KCNMA1: variants seen among roughly 807,000 people sequenced by gnomAD.
KCNMA1 encodes the protein Calcium-activated potassium channel subunit alpha-1.
Under a neutral mutation model 140.0 loss-of-function variants are expected in KCNMA1, and 29 were observed. That is an observed-to-expected ratio of 0.21 (90% CI 0.15 to 0.28). The LOEUF (loss-of-function observed/expected upper bound fraction) is 0.28. Among genes scored for constraint, KCNMA1 ranks in the 10% least tolerant of loss-of-function variants. The pLI is 1.00. For synonymous variants in KCNMA1, 612 were observed against 611.9 expected, an observed-to-expected ratio of 1.00 and a Z score of 0.00; for missense variants, 880 against 1,602.2, an observed-to-expected ratio of 0.55 and a Z score of 7.70.
chr10:77,110,821 T>A (rs1455013103), intron 7 of KCNMA1, among the ~76,000 whole-genome samples: 1 of 152,212 alleles, frequency 6.6e-6, no homozygotes, highest in Admixed American at 6.5e-5. Context: ...TTCCATCAGT[T>A]TATCCAAAGA....
At chr10:77,109,341 G>T (rs1008934995) in intron 8 of KCNMA1, among the ~76,000 whole-genome samples, 1 of 152,044 alleles carries the variant, frequency 6.6e-6, no homozygotes, top group Admixed American at 6.5e-5. Context: ...ATAAATGTGC[G>T]CACGGTGTAC....
chr10:77,103,699 C>T (rs1355129848), intron 9 of KCNMA1, among the ~76,000 whole-genome samples: 1 of 152,166 alleles, frequency 6.6e-6, no homozygotes, highest in Non-Finnish European at 1.5e-5. Flanking sequence ...CCTTTCATTG[C>T]TAGAAGTGTT....
At chr10:77,064,222 G>A in intron 14 of KCNMA1, 1 of 484,530 alleles carries the variant, frequency 2.1e-6, no homozygotes, top group Non-Finnish European at 2.7e-6. Context: ...TTAATGCTAG[G>A]CAGACAGTTT....
chr10:77,045,958 C>A (rs541523488), intron 14 of KCNMA1, among the ~76,000 whole-genome samples: 24 of 152,238 alleles, frequency 1.6e-4, no homozygotes, highest in Non-Finnish European at 2.9e-4. Flanking sequence ...CAGGCAAATT[C>A]TTTTAATCCA....
intron 5 of KCNMA1, among the ~76,000 whole-genome samples, chr10:77,144,495 T>C (rs747549531): frequency 2.6e-5 from 4 of 152,198 alleles, no homozygotes; most frequent in Non-Finnish European, 4.4e-5. Context: ...TCTATGTTGA[T>C]ATGGATGACA....
intron 25 of KCNMA1, 98 bp from the exon 26 acceptor site, chr10:76,891,817 G>A (rs542585908): frequency 3.1e-6 from 3 of 974,154 alleles, no homozygotes; most frequent in Non-Finnish European, 4.8e-6. Flanking sequence ...GGTATCTCCT[G>A]TTTAAAGTTC....
intron 2 of KCNMA1, among the ~76,000 whole-genome samples, chr10:77,403,163 C>A (rs763419039): frequency 1.3e-5 from 2 of 152,090 alleles, no homozygotes; most frequent in Non-Finnish European, 2.9e-5. Context: ...ATGAGGCCAG[C>A]CAGTGAAGCC....
chr10:77,582,888 C>G (rs1387248074), intron 1 of KCNMA1, among the ~76,000 whole-genome samples: 1 of 152,262 alleles, frequency 6.6e-6, no homozygotes, highest in Admixed American at 6.5e-5. Flanking sequence ...AAGCCACCAG[C>G]CAGGGAGGGC....
intron 14 of KCNMA1, among the ~76,000 whole-genome samples, chr10:77,045,571 G>A (rs1171669065): frequency 4.6e-5 from 7 of 152,266 alleles, no homozygotes; most frequent in South Asian, 2.1e-4. Context: ...ACCAATCCAC[G>A]GGCAGACAGC....
At chr10:77,070,187 T>G (rs1215494400) in intron 14 of KCNMA1, among the ~76,000 whole-genome samples, 1 of 152,076 alleles carries the variant, frequency 6.6e-6, no homozygotes, top group Non-Finnish European at 1.5e-5. Flanking sequence ...TCATGCATGA[T>G]AAAATGCCCA....
At chr10:77,370,198 G>A (rs975379543) in intron 2 of KCNMA1, among the ~76,000 whole-genome samples, 2 of 152,170 alleles carry the variant, frequency 1.3e-5, no homozygotes, top group African/African-American at 4.8e-5. Context: ...AACCCCAGCA[G>A]GCTAAAAATA....
At chr10:77,337,909 T>C (rs1424698376) in intron 2 of KCNMA1, among the ~76,000 whole-genome samples, 1 of 152,166 alleles carries the variant, frequency 6.6e-6, no homozygotes, top group Non-Finnish European at 1.5e-5. Context: ...TGGAAGGACA[T>C]GTTAAAATGA....
intron 2 of KCNMA1, among the ~76,000 whole-genome samples, chr10:77,295,651 G>T (rs1467822497): frequency 6.7e-6 from 1 of 149,798 alleles, no homozygotes; most frequent in African/African-American, 2.5e-5. Context: ...CGCGGTGGCG[G>T]GCGCCTGTAG....
At chr10:77,522,239 A>G (rs1259306320) in intron 1 of KCNMA1, among the ~76,000 whole-genome samples, 1 of 151,366 alleles carries the variant, frequency 6.6e-6, no homozygotes, top group South Asian at 2.1e-4. Flanking sequence ...CATTCCCATG[A>G]GCCATGAGCC....
At chr10:77,376,948 A>AATAC (rs66548732) in intron 2 of KCNMA1, among the ~76,000 whole-genome samples, 3,817 of 148,402 alleles carry the variant, frequency 0.026, 106 homozygotes, top group African/African-American at 0.066. Flanking sequence ...AAAATAAATA[A>AATAC]ATACATACAT....
chr10:77,249,262 A>T (rs1202779167), intron 3 of KCNMA1, among the ~76,000 whole-genome samples: 2 of 152,216 alleles, frequency 1.3e-5, no homozygotes, highest in African/African-American at 2.4e-5. Flanking sequence ...GCCTAGAAGG[A>T]TCACAATTAA....
intron 19 of KCNMA1, among the ~76,000 whole-genome samples, chr10:76,988,140 T>A (rs2153277093): frequency 6.6e-6 from 1 of 152,276 alleles, no homozygotes; most frequent in East Asian, 1.9e-4. Flanking sequence ...AACTCAGAAT[T>A]TCAAATGTGC....
chr10:77,065,104 C>G (rs886376412), intron 14 of KCNMA1, among the ~76,000 whole-genome samples: 1 of 152,166 alleles, frequency 6.6e-6, no homozygotes, highest in Non-Finnish European at 1.5e-5. Flanking sequence ...TGAGGCCAAC[C>G]GATGCATTCA....
chr10:76,896,555 T>A (rs1036674660), intron 25 of KCNMA1, among the ~76,000 whole-genome samples: 1 of 152,140 alleles, frequency 6.6e-6, no homozygotes, highest in African/African-American at 2.4e-5. Context: ...TTATTAAGAG[T>A]ACTGATTGGG....
Sources: gnomAD v4.1 joint callset for allele counts (sites outside exome capture counted in the v4.1 genomes callset) on GRCh38, gnomAD v4.1.1 for gene constraint, MANE v1.5 for transcripts, NCBI Gene and HGNC (gene_info 2026-07-23, HGNC 2026-07-21) for gene names.